The following IGF2BP2 variants were observed in gnomAD, a reference collection of about 807,000 sequenced individuals.
IGF2BP2 encodes the protein insulin-like growth factor 2 mRNA-binding protein 2.
A neutral mutation model predicts 75.8 loss-of-function variants in IGF2BP2; 17 were observed. The observed-to-expected ratio is 0.22, with a 90% confidence interval of 0.15 to 0.34. The LOEUF is 0.34. Among genes scored for constraint, IGF2BP2 ranks in the 10% least tolerant of loss-of-function variants. The pLI is 1.00. For synonymous variants in IGF2BP2, 288 were observed against 295.6 expected, an observed-to-expected ratio of 0.97 and a Z score of 0.26; for missense variants, 516 against 772.4, an observed-to-expected ratio of 0.67 and a Z score of 3.93.
chr3:185,668,112 A>G (rs548472505), intron 10 of IGF2BP2, among the ~76,000 whole-genome samples: 1 of 152,344 alleles, frequency 6.6e-6, no homozygotes, highest in Admixed American at 6.5e-5. Context: ...ATATGCCTGT[A>G]AAGATATTCA....
chr3:185,734,765 A>G (rs1422556887), intron 2 of IGF2BP2, among the ~76,000 whole-genome samples: 1 of 152,226 alleles, frequency 6.6e-6, no homozygotes, highest in African/African-American at 2.4e-5. Flanking sequence ...GCTAAAACCT[A>G]ACTCCAAAAC....
At chr3:185,706,425 A>G (rs993142112) in intron 2 of IGF2BP2, among the ~76,000 whole-genome samples, 5 of 152,170 alleles carry the variant, frequency 3.3e-5, no homozygotes, top group Non-Finnish European at 7.4e-5. Context: ...AAAAATAAAA[A>G]AGAAGTGGAA....
At position 185,664,846 on chromosome 3, in the gene IGF2BP2, G is replaced by T. The variant is rs550963141; in HGVS notation, c.1201-6437C>A. Among the ~76,000 whole-genome samples the T allele has an allele frequency of 2.6e-5, 4 of 152,292 alleles. No homozygotes were observed. The East Asian group carries it at 7.7e-4, about 29-fold the overall frequency. Reference sequence around the variant, plus strand: ...AACTCCAGAAGGAGAAAATAAAGTGGATGGGAGAGAAGCAACGCTAAAATT... The same window carrying T: ...AACTCCAGAAGGAGAAAATAAAGTGTATGGGAGAGAAGCAACGCTAAAATT... On this transcript the variant is annotated intron_variant, in intron 10 of 15. Transcript: ENST00000382199.
intron 10 of IGF2BP2, among the ~76,000 whole-genome samples, chr3:185,663,597 G>A (rs1716823611): frequency 6.6e-6 from 1 of 151,932 alleles, no homozygotes; most frequent in African/African-American, 2.4e-5. Context: ...CAATTTAGGT[G>A]ATATTCTGAA....
At chr3:185,653,445 A>C (rs1316061423) in intron 12 of IGF2BP2, among the ~76,000 whole-genome samples, 1 of 151,928 alleles carries the variant, frequency 6.6e-6, no homozygotes, top group African/African-American at 2.4e-5. Context: ...ACATGGTGAA[A>C]TCCCATCTCT....
At chr3:185,739,107 A>G (rs760298317) in intron 2 of IGF2BP2, among the ~76,000 whole-genome samples, 9 of 152,224 alleles carry the variant, frequency 5.9e-5, no homozygotes, top group Non-Finnish European at 8.8e-5. Context: ...CTTTGGTGGC[A>G]TATATAAATA....
At chr3:185,765,823 G>A (rs145301273) in intron 2 of IGF2BP2, among the ~76,000 whole-genome samples, 78 of 152,288 alleles carry the variant, frequency 5.1e-4, no homozygotes, top group African/African-American at 1.7e-3. Context: ...TTTCTAATAG[G>A]GATGAAGATA....
chr3:185,821,081 A>G (rs1416388323), intron 2 of IGF2BP2: 2 of 1,535,056 alleles, frequency 1.3e-6, no homozygotes, highest in African/African-American at 1.4e-5. Flanking sequence ...TCATCCCTGA[A>G]GTCTGATCTC....
At chr3:185,651,383 T>C (rs905223098) in intron 13 of IGF2BP2, among the ~76,000 whole-genome samples, 2 of 151,982 alleles carry the variant, frequency 1.3e-5, no homozygotes, top group Non-Finnish European at 1.5e-5. Context: ...TATCTTTTCC[T>C]TTTCGTTAGA....
At chr3:185,655,995 G>A (rs1715374039) in intron 12 of IGF2BP2, among the ~76,000 whole-genome samples, 1 of 152,258 alleles carries the variant, frequency 6.6e-6, no homozygotes, top group Admixed American at 6.5e-5. Context: ...CCACATGTGT[G>A]CCTTGCCCAT....
At chr3:185,658,691 C>G (rs1163816892) in intron 10 of IGF2BP2, among the ~76,000 whole-genome samples, 1 of 152,154 alleles carries the variant, frequency 6.6e-6, no homozygotes, top group East Asian at 1.9e-4. Flanking sequence ...AGGAACATAC[C>G]ATGGGTGTGA....
In IGF2BP2 at chr3:185,644,597, G is replaced by GA. The variant is rs1037854203; in HGVS notation, c.*933_*934insT. The GA allele has an allele frequency of 2.1e-5, 3 of 145,454 alleles. No homozygotes were observed. The highest frequency in any genetic ancestry group is 7.6e-5 in the African/African-American group (3 of 39,512). 9.0% of individuals were successfully genotyped at this position (145,454 alleles called of 1,614,324 possible). A position where few individuals can be genotyped will look rare whatever the true frequency, so the allele number is the denominator to read the frequency against. On this transcript the variant is annotated 3_prime_UTR_variant, in exon 16 of 16. Transcript: ENST00000382199. ...CAGAGCACTGCTTTGCCTGGGGGGG[G>GA]GGGGGTGCGTAGATACGGGATTGAG...
intron 9 of IGF2BP2, among the ~76,000 whole-genome samples, chr3:185,674,095 C>T (rs2149225808): frequency 6.6e-6 from 1 of 152,246 alleles, no homozygotes; most frequent in Admixed American, 6.5e-5. Context: ...GAGATGGGGA[C>T]AGATTACTGC....
chr3:185,678,028 T>C (rs1224582910), intron 7 of IGF2BP2, among the ~76,000 whole-genome samples: 1 of 152,162 alleles, frequency 6.6e-6, no homozygotes, highest in South Asian at 2.1e-4. Context: ...CAAAGGGGCA[T>C]AGAGCTTTAT....
At chr3:185,806,271 G>C (rs1156415030) in intron 2 of IGF2BP2, among the ~76,000 whole-genome samples, 1 of 152,156 alleles carries the variant, frequency 6.6e-6, no homozygotes, top group African/African-American at 2.4e-5. Flanking sequence ...TCACTTAAGA[G>C]CACACAAAAG....
At chr3:185,692,879 C>T in intron 4 of IGF2BP2, 117 bp from the exon 5 acceptor site, 2 of 775,976 alleles carry the variant, frequency 2.6e-6, no homozygotes, top group Non-Finnish European at 4.5e-6. Flanking sequence ...ACTGGCTCCA[C>T]AGTTATCTGC....
chr3:185,742,521 G>A (rs963742164), intron 2 of IGF2BP2, among the ~76,000 whole-genome samples: 3 of 151,846 alleles, frequency 2.0e-5, no homozygotes, highest in African/African-American at 7.3e-5. Flanking sequence ...GCCAAGCGTA[G>A]TGGTGCACAC....
intron 2 of IGF2BP2, among the ~76,000 whole-genome samples, chr3:185,722,830 T>C (rs1578103195): frequency 6.6e-6 from 1 of 152,190 alleles, no homozygotes; most frequent in South Asian, 2.1e-4. Context: ...AGTACACATA[T>C]ATATGTGCTA....
rs572450928 is a variant in IGF2BP2, at chr3:185,781,783, T to TTG, written c.239+41368_239+41369dup. ...AAGTTGGGTCATAAGTTGTTTGTGT[T>TTG]TGTGTGTGTGTGTGTGTGTGTATGC... is the stretch of plus-strand genomic sequence containing the variant. On this transcript the variant is annotated intron_variant, in intron 2 of 15. Coordinates refer to ENST00000382199, the MANE Select transcript of IGF2BP2 (RefSeq NM_006548.6). 4.3e-3 allele frequency among the ~76,000 whole-genome samples: 642 copies of TTG among 149,416 alleles called. 3 individuals are homozygous for TTG. Among genetic ancestry groups the TTG allele is most frequent in the African/African-American group, 0.01 (414 of 40,954 alleles).
Sources: allele counts gnomAD v4.1 joint callset (sites outside exome capture counted in the v4.1 genomes callset), GRCh38; gene constraint gnomAD v4.1.1; transcripts MANE v1.5; gene names NCBI Gene and HGNC (gene_info 2026-07-23, HGNC 2026-07-21).